The following ZNF608 variants were observed in gnomAD, a reference collection of about 807,000 sequenced individuals.
The protein encoded by ZNF608 is renal carcinoma antigen NY-REN-36.
In ZNF608, 12 loss-of-function variants were observed where a neutral mutation model predicts 109.0. That is an observed-to-expected ratio of 0.11 (90% CI 0.07 to 0.18). The LOEUF is 0.18. Ranked by LOEUF, ZNF608 falls within the 10% of genes least tolerant of loss-of-function variation. ZNF608 has a pLI of 1.00. For missense variants in ZNF608, 1,707 were observed against 1,879.3 expected (o/e 0.91, Z 1.70); for synonymous variants, 732 against 717.4 (o/e 1.02, Z -0.33).
chr5:124,712,431 G>A (rs935212671), intron 2 of ZNF608, among the ~76,000 whole-genome samples: 1 of 152,178 alleles, frequency 6.6e-6, no homozygotes. Flanking sequence ...TGAAGCCAGT[G>A]GAGTGGCTGA....
At chr5:124,674,136 A>T (rs1751841216) in intron 3 of ZNF608, among the ~76,000 whole-genome samples, 1 of 152,198 alleles carries the variant, frequency 6.6e-6, no homozygotes, top group Non-Finnish European at 1.5e-5. Context: ...TCTCCTGTAG[A>T]TTCTGGTGTG....
At chr5:124,737,389 CG>C (rs1749200765) in intron 2 of ZNF608, among the ~76,000 whole-genome samples, 1 of 152,026 alleles carries the variant, frequency 6.6e-6, no homozygotes, top group South Asian at 2.1e-4. Context: ...CAAACTAGGT[CG>C]GGGGGTGGAA....
rs149635131 is a variant in ZNF608 at position 124,648,373 on chromosome 5, T to G, written c.2011A>C (p.Asn671His). ...GKKKGLNNEL[N>H]NLPVISNMTA... ...ATGTTGGAGATTACTGGAAGGTTGT[T>G]CAGTTCATTGTTAAGGCCCTTCTTT... Residue 671 changes from asparagine (N) to histidine (H), a missense_variant, in exon 5 of 10, where the codon AAC becomes CAC. By Grantham distance (68) the Asn-to-His change is moderately conservative. Transcript: ENST00000513986. 8.4e-5 allele frequency: 136 copies of G among 1,614,120 alleles called. No homozygotes were observed. The highest frequency in any genetic ancestry group is 1.2e-4 in the Admixed American group (7 of 60,010).
At chr5:124,679,415 C>G (rs1752095168) in intron 3 of ZNF608, among the ~76,000 whole-genome samples, 1 of 146,204 alleles carries the variant, frequency 6.8e-6, no homozygotes, top group Non-Finnish European at 1.5e-5. Flanking sequence ...TTCCTTCCTT[C>G]TTTTCCTCCC....
chr5:124,640,533 T>C (rs1750192051), intron 8 of ZNF608, among the ~76,000 whole-genome samples: 1 of 152,190 alleles, frequency 6.6e-6, no homozygotes, highest in Admixed American at 6.5e-5. Context: ...ATCTTGAACT[T>C]CCAGCCTCCA....
chr5:124,723,483 T>A (rs1004350979), intron 2 of ZNF608, among the ~76,000 whole-genome samples: 1 of 152,024 alleles, frequency 6.6e-6, no homozygotes, highest in South Asian at 2.1e-4. Context: ...AGGCCAGGAG[T>A]TCAGGACCAG....
At chr5:124,701,390 G>T in intron 2 of ZNF608, 121 bp from the exon 3 acceptor site, 1 of 1,308,280 alleles carries the variant, frequency 7.6e-7, no homozygotes, top group Non-Finnish European at 1.1e-6. Flanking sequence ...ATTATAATAT[G>T]CTTTGAGTGT....
intron 3 of ZNF608, among the ~76,000 whole-genome samples, chr5:124,661,543 C>A (rs1212104325): frequency 6.6e-6 from 1 of 151,596 alleles, no homozygotes; most frequent in Non-Finnish European, 1.5e-5. Flanking sequence ...TAGAGACCAG[C>A]TCTTTTCTGT....
chr5:124,663,919 G>T (rs1751376704), intron 3 of ZNF608, among the ~76,000 whole-genome samples: 1 of 152,202 alleles, frequency 6.6e-6, no homozygotes, highest in African/African-American at 2.4e-5. Context: ...ATATTAGAGA[G>T]AATTAGATCA....
intron 3 of ZNF608, among the ~76,000 whole-genome samples, chr5:124,667,599 G>A (rs1020430554): frequency 5.9e-5 from 9 of 152,096 alleles, no homozygotes; most frequent in African/African-American, 2.2e-4. Flanking sequence ...AGACACCCCT[G>A]TCTCTGCCTA....
chr5:124,704,393 C>A (rs188090329), intron 2 of ZNF608, among the ~76,000 whole-genome samples: 97 of 152,164 alleles, frequency 6.4e-4, no homozygotes, highest in Non-Finnish European at 1.0e-3. Context: ...AGAGGAGAAT[C>A]GCAGTTTCTC....
chr5:124,682,309 G>A (rs1202848355), intron 3 of ZNF608, among the ~76,000 whole-genome samples: 2 of 152,224 alleles, frequency 1.3e-5, no homozygotes, highest in Non-Finnish European at 2.9e-5. Flanking sequence ...CTGACCTCAG[G>A]TGATCCTTCC....
In ZNF608 at chr5:124,709,256, C is replaced by A. The variant is rs866716639; in HGVS notation, c.907-7987G>T. Among the ~76,000 whole-genome samples, 8 of 149,820 alleles carry A rather than the reference C, an allele frequency of 5.3e-5. No individual in the cohort carries two copies. The South Asian group carries it at 8.5e-4, about 16-fold the overall frequency. On this transcript the variant is annotated intron_variant, in intron 2 of 9. Coordinates refer to ENST00000513986, the MANE Select transcript of ZNF608 (RefSeq NM_020747.3). ...AGAGGAAAGGGGGTCACTGACTCTT[C>A]GTGTCTGACTGCCAGAAGGATCCCT...
chr5:124,724,745 A>G (rs1240053535), intron 2 of ZNF608, among the ~76,000 whole-genome samples: 1 of 152,128 alleles, frequency 6.6e-6, no homozygotes, highest in Non-Finnish European at 1.5e-5. Context: ...AGGACTCAGT[A>G]TTTACGATCT....
chr5:124,650,859 C>T (rs1750743517), intron 3 of ZNF608, among the ~76,000 whole-genome samples: 1 of 152,176 alleles, frequency 6.6e-6, no homozygotes, highest in African/African-American at 2.4e-5. Context: ...GTGAATTTTA[C>T]AGAAAACCTG....
At chr5:124,676,142 C>T (rs766499237) in intron 3 of ZNF608, among the ~76,000 whole-genome samples, 3 of 152,162 alleles carry the variant, frequency 2.0e-5, no homozygotes, top group Non-Finnish European at 2.9e-5. Context: ...GTGTTCTCAA[C>T]ATTAAATGAA....
chr5:124,727,402 GT>G (rs1469583620), intron 2 of ZNF608, among the ~76,000 whole-genome samples: 7 of 152,202 alleles, frequency 4.6e-5, no homozygotes, highest in Admixed American at 1.3e-4. Context: ...CAGTATCTTT[GT>G]CAGTTTATGC....
chr5:124,687,407 A>G (rs1351635568), intron 3 of ZNF608, among the ~76,000 whole-genome samples: 1 of 152,214 alleles, frequency 6.6e-6, no homozygotes, highest in Non-Finnish European at 1.5e-5. Context: ...CATTTCTGAC[A>G]CCCAAGGACT....
At chr5:124,668,217 T>TATTA (rs1491485978) in intron 3 of ZNF608, among the ~76,000 whole-genome samples, 2 of 120,284 alleles carry the variant, frequency 1.7e-5, no homozygotes, top group African/African-American at 3.2e-5. Flanking sequence ...TATATATATA[T>TATTA]TATATATATA....
Sources: gnomAD v4.1 joint callset for allele counts (sites outside exome capture counted in the v4.1 genomes callset) on GRCh38, gnomAD v4.1.1 for gene constraint, MANE v1.5 for transcripts, NCBI Gene and HGNC (gene_info 2026-07-23, HGNC 2026-07-21) for gene names.